FAIM: variants seen among roughly 807,000 people sequenced by gnomAD.
FAIM encodes the protein Fas apoptotic inhibitory molecule, also known as fas apoptotic inhibitory molecule 1.
In FAIM, 14 loss-of-function variants were observed where a neutral mutation model predicts 21.2. The observed-to-expected ratio is 0.66, with a 90% CI of 0.44 to 1.03. The LOEUF (loss-of-function observed/expected upper bound fraction) is 1.03. FAIM is among the 50% of genes least tolerant of loss of function. FAIM has a pLI of 0.00. For missense variants in FAIM, 222 were observed against 247.1 expected (o/e 0.90, Z 0.68); for synonymous variants, 86 against 80.4 (o/e 1.07, Z -0.37).
chr3:138,612,326 C>A (rs1356808667), intron 1 of FAIM, among the ~76,000 whole-genome samples: 1 of 152,122 alleles, frequency 6.6e-6, no homozygotes, highest in Admixed American at 6.5e-5. Context: ...TGGTCTCGAA[C>A]TCCTGACCTC....
At chr3:138,629,012 T>C in intron 4 of FAIM, 95 bp from the exon 5 acceptor site, 2 of 871,380 alleles carry the variant, frequency 2.3e-6, no homozygotes, top group Non-Finnish European at 3.5e-6. Context: ...AGAGATCTGG[T>C]ATATCAATCC....
intron 1 of FAIM, among the ~76,000 whole-genome samples, chr3:138,613,592 T>C (rs1345301173): frequency 6.6e-6 from 1 of 152,186 alleles, no homozygotes; most frequent in East Asian, 1.9e-4. Context: ...TAAGTGATCC[T>C]CCCACTTCAG....
intron 1 of FAIM, 122 bp from the exon 2 acceptor site, chr3:138,619,589 T>C (rs1277510462): frequency 6.5e-6 from 5 of 766,078 alleles, no homozygotes; most frequent in East Asian, 5.3e-5. Context: ...TGAAACTCCA[T>C]GTAATTTAAT....
At chr3:138,632,402 C>T (rs999522174) in intron 5 of FAIM, among the ~76,000 whole-genome samples, 2 of 152,162 alleles carry the variant, frequency 1.3e-5, no homozygotes, top group Middle Eastern at 3.4e-3. Flanking sequence ...CCAATAGCCA[C>T]ATGTGGCCAG....
chr3:138,617,573 C>T lies in FAIM; in HGVS notation c.-16-2138C>T, dbSNP rs2042838828. On this transcript the variant is annotated intron_variant, in intron 1 of 5. Transcript: ENST00000360570. ...CCTATCTGTCTATCTATATCTGTCA[C>T]CCAGGCTGGAGTACATGTAATTATA... Among the ~76,000 whole-genome samples the T allele has an allele frequency of 2.1e-5, 3 of 146,012 alleles. No homozygotes were observed. The South Asian group carries it at 6.4e-4, about 31-fold the overall frequency.
chr3:138,621,347 T>A (rs1421728017), intron 2 of FAIM, 60 bp from the exon 3 acceptor site: 1 of 1,523,924 alleles, frequency 6.6e-7, no homozygotes, highest in Non-Finnish European at 9.0e-7. Context: ...CTTGGAAGGA[T>A]TAATTGGTTA....
At chr3:138,618,274 GATTT>G (rs1217180722) in intron 1 of FAIM, among the ~76,000 whole-genome samples, 1 of 152,104 alleles carries the variant, frequency 6.6e-6, no homozygotes, top group Non-Finnish European at 1.5e-5. Context: ...ATAAAAGAGA[GATTT>G]ATTTTAGGTA....
chr3:138,632,853 C>A, intron 5 of FAIM, 77 bp from the exon 6 acceptor site: 1 of 1,428,554 alleles, frequency 7.0e-7, no homozygotes, highest in Non-Finnish European at 9.4e-7. Context: ...ACTACTAGTA[C>A]TTTTAGATGG....
chr3:138,628,322 T>C (rs361073), intron 4 of FAIM, among the ~76,000 whole-genome samples: 94,652 of 151,878 alleles, frequency 0.62, 30,196 homozygotes, highest in East Asian at 0.98. Flanking sequence ...CCTATATAAA[T>C]CCCGTGGCAG....
At chr3:138,629,019 A>G (rs961126904) in intron 4 of FAIM, 88 bp from the exon 5 acceptor site, 3 of 1,010,436 alleles carry the variant, frequency 3.0e-6, no homozygotes, top group Non-Finnish European at 4.4e-6. Context: ...TGGTATATCA[A>G]TCCTTTCCTA....
At chr3:138,617,441 A>C (rs1486964954) in intron 1 of FAIM, among the ~76,000 whole-genome samples, 1 of 146,890 alleles carries the variant, frequency 6.8e-6, no homozygotes, top group African/African-American at 2.5e-5. Context: ...TATGTATATA[A>C]ATATATATAT....
At chr3:138,613,941 G>C (rs747234901) in intron 1 of FAIM, among the ~76,000 whole-genome samples, 8 of 152,096 alleles carry the variant, frequency 5.3e-5, no homozygotes, top group Non-Finnish European at 1.2e-4. Flanking sequence ...CTTACATTTA[G>C]ATCATTGAGA....
In FAIM at chr3:138,629,104, C is replaced by G; in HGVS notation, c.407-3C>G. Reference sequence around the variant, plus strand: ...ACTTAAAGTTTTTATGTTACCTTTACAGAAAAAGATGCTATGGACGTATGG... The same window carrying G: ...ACTTAAAGTTTTTATGTTACCTTTAGAGAAAAAGATGCTATGGACGTATGG... On this transcript the variant is annotated splice_polypyrimidine_tract_variant and splice_region_variant and intron_variant, in intron 4 of 5. Coordinates refer to ENST00000360570, the MANE Select transcript of FAIM (RefSeq NM_001033031.2). 3.7e-6 allele frequency: 6 copies of G among 1,600,420 alleles called. No homozygotes were observed. Among genetic ancestry groups the G allele is most frequent in the Non-Finnish European group, 5.1e-6 (6 of 1,174,372 alleles).
At chr3:138,609,055 T>G (rs1047931376) in intron 1 of FAIM, 118 bp downstream of exon 1, 5 of 152,542 alleles carry the variant, frequency 3.3e-5, no homozygotes, top group Admixed American at 1.3e-4. Context: ...CCCCACGCTC[T>G]CGGCCCTGCT....
At chr3:138,628,027 A>G (rs947142352) in intron 4 of FAIM, among the ~76,000 whole-genome samples, 1 of 152,092 alleles carries the variant, frequency 6.6e-6, no homozygotes, top group East Asian at 1.9e-4. Context: ...TGATTAGTGT[A>G]GTCTTCTCTC....
At chr3:138,622,666 A>G (rs549913788) in intron 4 of FAIM, among the ~76,000 whole-genome samples, 65 of 152,264 alleles carry the variant, frequency 4.3e-4, no homozygotes, top group African/African-American at 1.5e-3. Flanking sequence ...CATTCATTTA[A>G]TCCACCATTT....
intron 1 of FAIM, 126 bp from the exon 2 acceptor site, chr3:138,619,585 T>G (rs1005086082): frequency 5.4e-6 from 4 of 741,200 alleles, no homozygotes; most frequent in East Asian, 5.4e-5. Flanking sequence ...CATCTGAAAC[T>G]CCATGTAATT....
At chr3:138,620,689 A>G (rs1221655714) in intron 2 of FAIM, among the ~76,000 whole-genome samples, 1 of 152,046 alleles carries the variant, frequency 6.6e-6, no homozygotes, top group Non-Finnish European at 1.5e-5. Context: ...GGGTTTCACC[A>G]TGTTGTCCAG....
rs898950048 is a variant in FAIM at position 138,617,940 on chromosome 3, A to C, written c.-16-1771A>C. ...TATATATAGTATATTTAGTATATAT[A>C]GTGTATATAGTAACTATATATTATA... On this transcript the variant is annotated intron_variant, in intron 1 of 5. Transcript: ENST00000360570. 5.5e-5 allele frequency among the ~76,000 whole-genome samples: 8 copies of C among 146,656 alleles called. No individual in the cohort carries two copies. In the Admixed American group the frequency reaches 5.5e-4, roughly 10 times the overall value.
Sources: allele counts gnomAD v4.1 joint callset (sites outside exome capture counted in the v4.1 genomes callset), GRCh38; gene constraint gnomAD v4.1.1; transcripts MANE v1.5; gene names NCBI Gene and HGNC (gene_info 2026-07-23, HGNC 2026-07-21).